Variants in SCML2 observed in about 807,000 individuals in gnomAD.
SCML2 encodes the protein Scm polycomb group protein like 2.
SCML2 carries 6 observed loss-of-function variants against 48.4 expected under a neutral mutation model. That is an observed-to-expected ratio of 0.12 (90% CI 0.07 to 0.24). The LOEUF (loss-of-function observed/expected upper bound fraction) is 0.24. Ranked by LOEUF, SCML2 falls within the 10% of genes least tolerant of loss-of-function variation. SCML2 has a pLI of 1.00. For synonymous variants in SCML2, 181 were observed against 189.5 expected, an observed-to-expected ratio of 0.95 and a Z score of 0.37; for missense variants, 377 against 528.2, an observed-to-expected ratio of 0.71 and a Z score of 2.81.
chrX:18,343,659 T>C (rs1311778180), intron 1 of SCML2, among the ~76,000 whole-genome samples: 23 of 101,391 alleles, frequency 2.3e-4, no homozygotes, highest in Non-Finnish European at 6.0e-5. Context: ...ACTCAGGAGG[T>C]TGAGGCAGGG....
intron 1 of SCML2, among the ~76,000 whole-genome samples, chrX:18,352,833 T>C (rs1281896652): frequency 3.6e-5 from 4 of 112,007 alleles, no homozygotes; most frequent in Non-Finnish European, 7.5e-5. Flanking sequence ...TATAATGCAG[T>C]AGAGTTACAG....
intron 11 of SCML2, among the ~76,000 whole-genome samples, chrX:18,254,046 T>C (rs1276522998): frequency 8.9e-6 from 1 of 112,016 alleles, no homozygotes; most frequent in East Asian, 2.8e-4. Flanking sequence ...ACATTAGCAG[T>C]GCTTCTAGGG....
At chrX:18,353,770 C>T (rs906311901) in intron 1 of SCML2, among the ~76,000 whole-genome samples, 4 of 112,911 alleles carry the variant, frequency 3.5e-5, no homozygotes, top group Non-Finnish European at 7.5e-5. Context: ...CTATGTACAA[C>T]CTTGAGGCGC....
rs771746783 is a variant in SCML2 at position 18,324,961 on chromosome X, C to T, written c.108G>A (p.Glu36=). 1 of 1,200,923 alleles carries T rather than the reference C, an allele frequency of 8.3e-7. No homozygotes were observed. The highest frequency in any genetic ancestry group is 1.1e-6 in the Non-Finnish European group (1 of 886,779). Residue 36 remains glutamate, a synonymous_variant, in exon 4 of 15, where the codon GAG becomes GAA. Coordinates refer to ENST00000251900, the MANE Select transcript of SCML2 (RefSeq NM_006089.3). The part of the protein sequence containing the change: ...SSVQRDDFHW[E]EYLKETGSIS... ...TAGACCCAGTCTCTTTCAAATACTC[C>T]TCCCAGTGGAAATCATCTGGAAAAA...
At chrX:18,241,933 T>A (rs1448910788) in intron 14 of SCML2, among the ~76,000 whole-genome samples, 7 of 112,304 alleles carry the variant, frequency 6.2e-5, no homozygotes, top group Non-Finnish European at 1.3e-4. Flanking sequence ...TATTACTTAA[T>A]AGTCACAAGG....
At chrX:18,313,016 T>C (rs1199476082) in intron 6 of SCML2, among the ~76,000 whole-genome samples, 1 of 109,201 alleles carries the variant, frequency 9.2e-6, no homozygotes, top group African/African-American at 3.3e-5. Flanking sequence ...TGCGCGTGTG[T>C]GTGTGTATGT....
At chrX:18,337,307 A>G (rs1929856656) in intron 1 of SCML2, among the ~76,000 whole-genome samples, 1 of 66,628 alleles carries the variant, frequency 1.5e-5, no homozygotes, top group Non-Finnish European at 2.7e-5. Flanking sequence ...CTCTGTCTCA[A>G]AAAAAAAAAA....
intron 3 of SCML2, among the ~76,000 whole-genome samples, chrX:18,326,288 C>T (rs889972152): frequency 3.6e-5 from 4 of 111,937 alleles, no homozygotes; most frequent in East Asian, 2.8e-4. Context: ...TCTAAGAGAC[C>T]GTTTCATCTA....
intron 1 of SCML2, among the ~76,000 whole-genome samples, chrX:18,341,968 T>C (rs1342550618): frequency 2.7e-5 from 3 of 112,164 alleles, no homozygotes; most frequent in African/African-American, 9.7e-5. Context: ...GGATTCTTAG[T>C]TGAATCCTCA....
intron 7 of SCML2, among the ~76,000 whole-genome samples, chrX:18,280,935 T>C (rs1002897042): frequency 4.1e-5 from 3 of 73,749 alleles, no homozygotes; most frequent in African/African-American, 1.3e-4. Context: ...CTGATAGTGT[T>C]AGATCACTGA....
At chrX:18,268,339 G>C (rs746137315) in intron 7 of SCML2, among the ~76,000 whole-genome samples, 1 of 111,560 alleles carries the variant, frequency 9.0e-6, no homozygotes, top group East Asian at 2.8e-4. Flanking sequence ...AGATCAGTTT[G>C]ACCAACATGG....
chrX:18,299,970 C>CT (rs1928530469), intron 7 of SCML2, among the ~76,000 whole-genome samples: 1 of 110,480 alleles, frequency 9.1e-6, no homozygotes, highest in African/African-American at 3.3e-5. Flanking sequence ...AAACTCCTGG[C>CT]TTCAAGCAAT....
intron 6 of SCML2, among the ~76,000 whole-genome samples, chrX:18,311,833 C>T (rs1383118558): frequency 8.9e-6 from 1 of 111,876 alleles, no homozygotes; most frequent in Non-Finnish European, 1.9e-5. Flanking sequence ...TCTTGTTGCC[C>T]AGACTGGAGT....
At chrX:18,311,123 G>A (rs962810435) in intron 6 of SCML2, among the ~76,000 whole-genome samples, 4 of 111,971 alleles carry the variant, frequency 3.6e-5, no homozygotes, top group African/African-American at 6.5e-5. Flanking sequence ...ACCTGCCTCT[G>A]ACCACAAACT....
In SCML2 at chrX:18,241,124, T is replaced by G. The variant is rs1163043875; in HGVS notation, c.*127A>C. 1 of 619,349 alleles carries G rather than the reference T, an allele frequency of 1.6e-6. No individual in the cohort carries two copies. Among genetic ancestry groups the G allele is most frequent in the Non-Finnish European group, 2.3e-6 (1 of 438,908 alleles). 51.0% of individuals were successfully genotyped at this position (619,349 alleles called of 1,213,427 possible). On this transcript the variant is annotated 3_prime_UTR_variant, in exon 15 of 15. Coordinates refer to ENST00000251900, the MANE Select transcript of SCML2 (RefSeq NM_006089.3). ...GTTGACTGAACTGTTACTACAGTTC[T>G]GCAATTCTGATAAAATATTTTTATG...
intron 7 of SCML2, among the ~76,000 whole-genome samples, chrX:18,288,165 A>T (rs1928118394): frequency 9.0e-6 from 1 of 111,174 alleles, no homozygotes; most frequent in Non-Finnish European, 1.9e-5. Flanking sequence ...ATTTCTACAG[A>T]GTAACTTCCA....
chrX:18,294,719 C>T (rs1195348645), intron 7 of SCML2, among the ~76,000 whole-genome samples: 2 of 110,674 alleles, frequency 1.8e-5, no homozygotes, highest in East Asian at 2.9e-4. Flanking sequence ...GTGGCAAGAT[C>T]CCCAGCACTC....
chrX:18,326,826 T>G (rs753798343), intron 3 of SCML2, among the ~76,000 whole-genome samples: 1 of 111,468 alleles, frequency 9.0e-6, no homozygotes, highest in South Asian at 3.8e-4. Context: ...GGAAAAGTAA[T>G]GTACATGGTA....
intron 4 of SCML2, 152 bp downstream of exon 4, chrX:18,324,755 T>A (rs1929426499): frequency 4.8e-6 from 2 of 418,392 alleles, no homozygotes; most frequent in African/African-American, 5.0e-5. Context: ...ATAGAGTAAG[T>A]TCTTAATGAA....
Sources: gnomAD v4.1 joint callset for allele counts (sites outside exome capture counted in the v4.1 genomes callset) on GRCh38, gnomAD v4.1.1 for gene constraint, MANE v1.5 for transcripts, NCBI Gene and HGNC (gene_info 2026-07-23, HGNC 2026-07-21) for gene names.